BCL2L13: variants seen among roughly 807,000 people sequenced by gnomAD.
BCL2L13 encodes bcl-2-like protein 13.
In BCL2L13, 13 loss-of-function variants were observed where a neutral mutation model predicts 25.8. That is an observed-to-expected ratio of 0.50 (90% CI 0.33 to 0.80). The LOEUF (loss-of-function observed/expected upper bound fraction) is 0.80, where lower values mean the gene tolerates loss of function less well. Ranked by LOEUF, BCL2L13 falls within the 30% of genes least tolerant of loss-of-function variation. The pLI, the probability that BCL2L13 is intolerant of heterozygous loss-of-function variation, is 0.02. For synonymous variants in BCL2L13, 244 were observed against 230.3 expected (o/e 1.06, Z -0.54); for missense variants, 504 against 574.9 (o/e 0.88, Z 1.26).
At chr22:17,686,660 G>A (rs1255142114) in intron 3 of BCL2L13, among the ~76,000 whole-genome samples, 2 of 151,672 alleles carry the variant, frequency 1.3e-5, no homozygotes, top group African/African-American at 4.8e-5. Context: ...ATAGGCGCCC[G>A]CCACCATGCC....
intron 5 of BCL2L13, among the ~76,000 whole-genome samples, chr22:17,697,074 C>A (rs1263862574): frequency 2.0e-5 from 3 of 151,718 alleles, no homozygotes; most frequent in Non-Finnish European, 2.9e-5. Flanking sequence ...GGTACATAAC[C>A]AAACTTGTTT....
intron 2 of BCL2L13, among the ~76,000 whole-genome samples, chr22:17,657,063 C>T (rs1424141978): frequency 5.3e-5 from 8 of 152,216 alleles, no homozygotes; most frequent in Admixed American, 5.2e-4. Context: ...AGGCAATCTG[C>T]CCGCCTTGGC....
At chr22:17,645,084 C>T (rs2058426741) in intron 1 of BCL2L13, among the ~76,000 whole-genome samples, 1 of 150,678 alleles carries the variant, frequency 6.6e-6, no homozygotes, top group Non-Finnish European at 1.5e-5. Flanking sequence ...GCTGGGATTA[C>T]AGGCATGAGT....
intron 2 of BCL2L13, among the ~76,000 whole-genome samples, chr22:17,670,253 G>C (rs2059373674): frequency 6.6e-6 from 1 of 151,756 alleles, no homozygotes; most frequent in Non-Finnish European, 1.5e-5. Context: ...TGTGTCTCTT[G>C]CATTTCCATA....
rs973656795 is a variant in BCL2L13, at chr22:17,729,994, G to A, written c.*2460G>A. ...AAGCTTCCCCTCCTTTTGGGGGGAGGAGCTGATAGTAGGAGGCCATTCCTT... is the reference window on the plus strand; with the variant it reads ...AAGCTTCCCCTCCTTTTGGGGGGAGAAGCTGATAGTAGGAGGCCATTCCTT... On this transcript the variant is annotated 3_prime_UTR_variant, in exon 7 of 7. Transcript: ENST00000317582. 7 of 146,912 alleles carry A rather than the reference G, an allele frequency of 4.8e-5. No individual in the cohort carries two copies. The highest frequency in any genetic ancestry group is 1.4e-4 in the Admixed American group (2 of 14,032). The allele number at this position is 146,912 out of a possible 1,614,324, so 9.1% of individuals were successfully genotyped here. A position where few individuals can be genotyped will look rare whatever the true frequency, so the allele number is the denominator to read the frequency against.
intron 6 of BCL2L13, chr22:17,706,749 CTT>C (rs1407193552): frequency 1.5e-6 from 2 of 1,352,076 alleles, no homozygotes; most frequent in Non-Finnish European, 2.0e-6. Flanking sequence ...TCCTCATTCT[CTT>C]TTCATTTCCT....
intron 6 of BCL2L13, among the ~76,000 whole-genome samples, chr22:17,723,407 A>G (rs1280233742): frequency 6.6e-6 from 1 of 152,220 alleles, no homozygotes; most frequent in African/African-American, 2.4e-5. Context: ...GAAGAGATGG[A>G]GGAGGAAGGA....
chr22:17,664,422 C>A (rs552507336), intron 2 of BCL2L13, among the ~76,000 whole-genome samples: 120 of 152,300 alleles, frequency 7.9e-4, no homozygotes, highest in Admixed American at 1.3e-3. Flanking sequence ...GCCACCCCCC[C>A]CCGGCTCCTT....
In BCL2L13 at chr22:17,727,246, T is replaced by G; in HGVS notation, c.1170T>G (p.Thr390=). Reference sequence around the variant, plus strand: ...AAGAAGAGGTGAAAGCAGCAACAACTGAACCTACTGAAGTGGAGGAGGTGG... The same window carrying G: ...AAGAAGAGGTGAAAGCAGCAACAACGGAACCTACTGAAGTGGAGGAGGTGG... ...LDEEEVKAAT[T]EPTEVEEVVP... The change falls in exon 7 of 7, where the codon ACT becomes ACG. Residue 390 remains threonine (T), a synonymous_variant. Coordinates refer to ENST00000317582, the MANE Select transcript of BCL2L13 (RefSeq NM_015367.4). The G allele has an allele frequency of 6.2e-7, 1 of 1,614,226 alleles. No homozygotes were observed. Among genetic ancestry groups the G allele is most frequent in the Non-Finnish European group, 8.5e-7 (1 of 1,180,042 alleles).
At chr22:17,655,170 T>C (rs1295768607) in intron 1 of BCL2L13, among the ~76,000 whole-genome samples, 1 of 152,060 alleles carries the variant, frequency 6.6e-6, no homozygotes, top group Non-Finnish European at 1.5e-5. Flanking sequence ...TATCACTGTC[T>C]TCTACCTCCA....
chr22:17,690,515 T>C (rs1209032462), intron 4 of BCL2L13, among the ~76,000 whole-genome samples: 2 of 152,102 alleles, frequency 1.3e-5, no homozygotes, highest in Non-Finnish European at 2.9e-5. Context: ...TCTCAGTACT[T>C]TGGGAGGTCC....
intron 5 of BCL2L13, among the ~76,000 whole-genome samples, chr22:17,698,592 T>C (rs1283141975): frequency 7.6e-6 from 1 of 132,324 alleles, no homozygotes; most frequent in Non-Finnish European, 1.6e-5. Flanking sequence ...TACATGGTGG[T>C]GTGCACCTGT....
At chr22:17,698,404 C>T (rs561961478) in intron 5 of BCL2L13, among the ~76,000 whole-genome samples, 8 of 151,918 alleles carry the variant, frequency 5.3e-5, no homozygotes, top group African/African-American at 1.9e-4. Flanking sequence ...CATGAGCCAC[C>T]CTACCTGGCC....
chr22:17,726,342 C>A lies in BCL2L13; in HGVS notation c.601-335C>A, dbSNP rs2145844433. ...CTCTAGCCTGGGAGACAGAGCAAGA[C>A]TCCATCTTAAAAAAAAAAAAAAAAA... On this transcript the variant is annotated intron_variant, in intron 6 of 6. Transcript: ENST00000317582. 1.8e-5 allele frequency among the ~76,000 whole-genome samples: 2 copies of A among 109,762 alleles called. 1 individual carries two copies. Among genetic ancestry groups the A allele is most frequent in the Middle Eastern group, 8.1e-3 (2 of 246 alleles). The allele number at this position is 109,762 out of a possible 152,430, so 72.0% of individuals were successfully genotyped here.
At chr22:17,639,940 C>T (rs1274487560) in intron 1 of BCL2L13, among the ~76,000 whole-genome samples, 4 of 151,970 alleles carry the variant, frequency 2.6e-5, no homozygotes, top group African/African-American at 9.7e-5. Flanking sequence ...CCGCAACCTC[C>T]GCCTCCTGGG....
chr22:17,673,553 A>G (rs959716087), intron 2 of BCL2L13, among the ~76,000 whole-genome samples: 9 of 113,742 alleles, frequency 7.9e-5, no homozygotes, highest in East Asian at 2.4e-4. Flanking sequence ...TTTTTTTTGT[A>G]TTTTTAGTAG....
chr22:17,715,299 A>G (rs1472387466), intron 6 of BCL2L13, among the ~76,000 whole-genome samples: 4 of 143,436 alleles, frequency 2.8e-5, no homozygotes, highest in African/African-American at 7.8e-5. Flanking sequence ...CTCCTACCTC[A>G]GCCTCCTGAG....
intron 2 of BCL2L13, among the ~76,000 whole-genome samples, chr22:17,674,572 C>A (rs1238760949): frequency 6.7e-6 from 1 of 149,622 alleles, no homozygotes; most frequent in Non-Finnish European, 1.5e-5. Flanking sequence ...TGCCACTGCA[C>A]TCCAGCCTGG....
chr22:17,650,106 G>T (rs918490232), intron 1 of BCL2L13, among the ~76,000 whole-genome samples: 2 of 151,716 alleles, frequency 1.3e-5, no homozygotes, highest in African/African-American at 4.8e-5. Context: ...CTGACCTCAG[G>T]TGATCTGCCC....
Sources: allele counts gnomAD v4.1 joint callset (sites outside exome capture counted in the v4.1 genomes callset), GRCh38; gene constraint gnomAD v4.1.1; transcripts MANE v1.5; gene names NCBI Gene and HGNC (gene_info 2026-07-23, HGNC 2026-07-21).